Variants in TMTC2 observed in about 807,000 individuals in gnomAD.
TMTC2 encodes transmembrane O-mannosyltransferase targeting cadherins 2, also known as protein O-mannosyl-transferase TMTC2.
In TMTC2, 43 loss-of-function variants were observed where a neutral mutation model predicts 82.4. The ratio of observed to expected loss-of-function variants is 0.52; its 90% CI spans 0.41 to 0.67. TMTC2 has a LOEUF of 0.67. TMTC2 is among the 30% of genes least tolerant of loss of function. The pLI, the probability that TMTC2 is intolerant of heterozygous loss-of-function variation, is 0.00. For synonymous variants in TMTC2, 408 were observed against 381.9 expected (o/e 1.07, Z -0.80); for missense variants, 919 against 1,012.4 (o/e 0.91, Z 1.25).
chr12:82,975,520 C>T (rs560291628), intron 7 of TMTC2, among the ~76,000 whole-genome samples: 10 of 152,136 alleles, frequency 6.6e-5, no homozygotes, highest in South Asian at 4.1e-4. Context: ...ATTATGGGAA[C>T]GGGATTTTTG....
intron 1 of TMTC2, among the ~76,000 whole-genome samples, chr12:82,811,082 A>G (rs1263455858): frequency 1.3e-5 from 2 of 152,006 alleles, no homozygotes; most frequent in Admixed American, 1.3e-4. Flanking sequence ...ATACAAAAAA[A>G]TTAGCCAGGC....
chr12:83,043,258 T>G (rs1881962724), intron 9 of TMTC2, among the ~76,000 whole-genome samples: 1 of 152,198 alleles, frequency 6.6e-6, no homozygotes, highest in Admixed American at 6.5e-5. Flanking sequence ...TCTTTAGTAG[T>G]ATCCCCTACC....
At chr12:82,972,816 G>A (rs1049266189) in intron 7 of TMTC2, among the ~76,000 whole-genome samples, 3 of 152,136 alleles carry the variant, frequency 2.0e-5, no homozygotes, top group Admixed American at 2.0e-4. Flanking sequence ...CATAAAGGAA[G>A]TCTGTTTCTT....
chr12:82,971,594 G>A (rs182537763), intron 7 of TMTC2, among the ~76,000 whole-genome samples: 45 of 151,996 alleles, frequency 3.0e-4, no homozygotes, highest in African/African-American at 9.4e-4. Flanking sequence ...CCCAGAGGTC[G>A]TTTTACGCCT....
chr12:82,919,994 C>T (rs1369045678), intron 3 of TMTC2, among the ~76,000 whole-genome samples: 2 of 152,152 alleles, frequency 1.3e-5, no homozygotes, highest in African/African-American at 2.4e-5. Context: ...AACCTCCACC[C>T]GTTATGCAGT....
chr12:82,732,277 G>A (rs1486626990), intron 1 of TMTC2, among the ~76,000 whole-genome samples: 1 of 151,838 alleles, frequency 6.6e-6, no homozygotes, highest in Admixed American at 6.6e-5. Flanking sequence ...TGTCTCAGTG[G>A]GGCTTATTTT....
chr12:82,953,754 T>G (rs538552266), intron 4 of TMTC2, among the ~76,000 whole-genome samples: 1 of 152,270 alleles, frequency 6.6e-6, no homozygotes, highest in South Asian at 2.1e-4. Flanking sequence ...GCAACCAATG[T>G]TGGTTCATTT....
intron 9 of TMTC2, among the ~76,000 whole-genome samples, chr12:83,031,414 C>T (rs969166519): frequency 6.6e-6 from 1 of 152,130 alleles, no homozygotes; most frequent in Admixed American, 6.6e-5. Context: ...TGGCCTTAAT[C>T]AGTCTAGAAT....
intron 9 of TMTC2, among the ~76,000 whole-genome samples, chr12:83,042,036 T>C (rs1243281943): frequency 6.6e-6 from 1 of 152,254 alleles, no homozygotes; most frequent in African/African-American, 2.4e-5. Context: ...CAATTTATTC[T>C]TCTGCCTTAA....
chr12:82,915,930 A>G (rs1008925706), intron 3 of TMTC2, among the ~76,000 whole-genome samples: 13 of 152,222 alleles, frequency 8.5e-5, no homozygotes, highest in African/African-American at 3.1e-4. Flanking sequence ...CAGCAACTCA[A>G]CGTCTGTCAT....
In TMTC2 at chr12:83,089,838, AACAAAAAAC is replaced by A. The variant is rs1258506307; in HGVS notation, c.2331+28009_2331+28017del. Among the ~76,000 whole-genome samples the A allele has an allele frequency of 8.8e-5, 13 of 148,386 alleles. No individual in the cohort carries two copies. The Admixed American group carries it at 8.9e-4, about 10-fold the overall frequency. On this transcript the variant is annotated intron_variant, in intron 11 of 11. Coordinates refer to ENST00000321196, the MANE Select transcript of TMTC2 (RefSeq NM_152588.3). The stretch of plus-strand genomic sequence containing the variant: ...CTTGATAATAGCAAAAAAAACAAAA[AACAAAAAAC>A]AAAAAAAAAAAAACTATTTTAATCT...
rs570561715 is a variant in TMTC2, at chr12:82,903,495, G to A, written c.1483+6849G>A. 3.9e-5 allele frequency among the ~76,000 whole-genome samples: 6 copies of A among 152,060 alleles called. No homozygotes were observed. The East Asian group carries it at 5.8e-4, about 15-fold the overall frequency. ...GGCGCGATCTCGCCTCACTGCAAGC[G>A]CCGCCTCCCAGGTTCACGCCATTCT... On this transcript the variant is annotated intron_variant, in intron 3 of 11. Transcript: ENST00000321196.
intron 11 of TMTC2, among the ~76,000 whole-genome samples, chr12:83,073,682 CCTTTTT>C (rs1402234843): frequency 1.3e-5 from 2 of 151,946 alleles, no homozygotes; most frequent in Non-Finnish European, 2.9e-5. Context: ...TATTTTTATT[CCTTTTT>C]CTTTGTCTTT....
intron 4 of TMTC2, among the ~76,000 whole-genome samples, chr12:82,942,938 A>G (rs1042877368): frequency 2.0e-5 from 3 of 152,198 alleles, no homozygotes; most frequent in Non-Finnish European, 2.9e-5. Context: ...TATAAATTGT[A>G]TATAACATAA....
chr12:82,934,630 G>C (rs1592638591), intron 4 of TMTC2, among the ~76,000 whole-genome samples: 2 of 152,102 alleles, frequency 1.3e-5, no homozygotes, highest in Non-Finnish European at 2.9e-5. Flanking sequence ...GTCTATCATT[G>C]ATGGGCATTT....
chr12:82,863,693 C>T (rs11115463), intron 2 of TMTC2, among the ~76,000 whole-genome samples: 13,785 of 151,966 alleles, frequency 0.091, 1,014 homozygotes, highest in African/African-American at 0.2. Context: ...TCTATAATGC[C>T]TGCATTACAC....
chr12:82,886,003 A>G (rs1419976766), intron 2 of TMTC2, among the ~76,000 whole-genome samples: 1 of 152,070 alleles, frequency 6.6e-6, no homozygotes, highest in Non-Finnish European at 1.5e-5. Flanking sequence ...TCTCTCATTT[A>G]TTTATTTTTT....
intron 1 of TMTC2, among the ~76,000 whole-genome samples, chr12:82,716,140 T>C (rs960388786): frequency 2.0e-5 from 3 of 152,216 alleles, no homozygotes; most frequent in Admixed American, 1.3e-4. Context: ...TAGGGAATTT[T>C]TCGATATATT....
chr12:82,814,424 A>C (rs980442321), intron 1 of TMTC2, among the ~76,000 whole-genome samples: 3 of 152,148 alleles, frequency 2.0e-5, no homozygotes, highest in African/African-American at 7.2e-5. Flanking sequence ...AGGCATGTTG[A>C]GGAATACAAG....
Sources: allele counts gnomAD v4.1 joint callset (sites outside exome capture counted in the v4.1 genomes callset), GRCh38; gene constraint gnomAD v4.1.1; transcripts MANE v1.5; gene names NCBI Gene and HGNC (gene_info 2026-07-23, HGNC 2026-07-21).